Variants in PTER observed in about 807,000 individuals in gnomAD.
PTER encodes N-acetyltaurine hydrolase.
In PTER, 38 loss-of-function variants were observed where a neutral mutation model predicts 29.6. The ratio of observed to expected loss-of-function variants is 1.28; its 90% CI spans 0.99 to 1.68. PTER has a LOEUF of 1.68. Ranked by LOEUF, PTER falls within the 40% of genes most tolerant of loss-of-function variation. PTER has a pLI of 0.00. For missense variants in PTER, 482 were observed against 427.8 expected (o/e 1.13, Z -1.12); for synonymous variants, 172 against 154.5 (o/e 1.11, Z -0.84).
chr10:16,453,994 C>T (rs1370139163), intron 1 of PTER, among the ~76,000 whole-genome samples: 1 of 152,136 alleles, frequency 6.6e-6, no homozygotes, highest in Non-Finnish European at 1.5e-5. Flanking sequence ...GTGCTTCTGG[C>T]ATATCAGCTG....
At chr10:16,442,475 A>G (rs974661518) in intron 1 of PTER, among the ~76,000 whole-genome samples, 8 of 152,210 alleles carry the variant, frequency 5.3e-5, no homozygotes, top group African/African-American at 1.9e-4. Flanking sequence ...GAATTTGTTT[A>G]AAAGTGTTAG....
intron 3 of PTER, among the ~76,000 whole-genome samples, chr10:16,501,328 TACACACAC>T (rs35321143): frequency 2.8e-4 from 33 of 117,242 alleles, no homozygotes; most frequent in South Asian, 1.2e-3. Flanking sequence ...AATGAATAAC[TACACACAC>T]ACACACACAC....
chr10:16,503,088 T>C (rs1588630170), intron 3 of PTER, among the ~76,000 whole-genome samples: 2 of 94,066 alleles, frequency 2.1e-5, no homozygotes, highest in African/African-American at 7.4e-5. Context: ...TTTTTTTTTT[T>C]TTTTGTATTT....
At position 16,480,013 on chromosome 10, in the gene PTER, T is replaced by C. The variant is rs1486103204; in HGVS notation, c.-48-4324T>C. On this transcript the variant is annotated intron_variant, in intron 1 of 4. Coordinates refer to ENST00000535784, the MANE Select transcript of PTER (RefSeq NM_001261836.2). ...CATTTTACTCATAGTATTAGGTTGGTGCAAATGTAATCACGGTCATGGCAA... is the reference window on the plus strand; with the variant it reads ...CATTTTACTCATAGTATTAGGTTGGCGCAAATGTAATCACGGTCATGGCAA... Among the ~76,000 whole-genome samples the C allele has an allele frequency of 2.1e-5, 3 of 141,704 alleles. No individual in the cohort carries two copies. In the East Asian group the frequency reaches 7.4e-4, roughly 35 times the overall value. The allele number at this position is 141,704 out of a possible 152,430, so 93.0% of individuals were successfully genotyped here. A position where few individuals can be genotyped will look rare whatever the true frequency, so the allele number is the denominator to read the frequency against.
intron 2 of PTER, among the ~76,000 whole-genome samples, chr10:16,485,172 T>A (rs1021907166): frequency 1.3e-5 from 2 of 152,186 alleles, no homozygotes; most frequent in Non-Finnish European, 2.9e-5. Context: ...TTTTCCATCT[T>A]AAGTTATGCT....
chr10:16,444,946 A>G (rs914815999), intron 1 of PTER, among the ~76,000 whole-genome samples: 10 of 152,118 alleles, frequency 6.6e-5, no homozygotes, highest in Non-Finnish European at 1.5e-4. Flanking sequence ...TGGGGTTTTG[A>G]ATGGGCTGTA....
intron 1 of PTER, among the ~76,000 whole-genome samples, chr10:16,457,379 A>AT (rs1404414114): frequency 1.3e-5 from 2 of 151,624 alleles, no homozygotes; most frequent in Admixed American, 6.6e-5. Context: ...CGCCCAGCTA[A>AT]TTTTTTGTAT....
chr10:16,486,736 T>C, intron 3 of PTER, 119 bp downstream of exon 3: 1 of 1,125,384 alleles, frequency 8.9e-7, no homozygotes, highest in Non-Finnish European at 1.2e-6. Context: ...CCACTAACTA[T>C]ATGGAAGGTA....
chr10:16,494,124 G>A (rs1181369929), intron 3 of PTER, among the ~76,000 whole-genome samples: 4 of 152,038 alleles, frequency 2.6e-5, no homozygotes, highest in Non-Finnish European at 4.4e-5. Flanking sequence ...ACCGTGTATC[G>A]CCTTACATGA....
At chr10:16,506,146 A>T (rs1836554128) in intron 4 of PTER, among the ~76,000 whole-genome samples, 1 of 152,228 alleles carries the variant, frequency 6.6e-6, no homozygotes. Context: ...ACTGAAAAGC[A>T]TCCATTGGAT....
chr10:16,456,892 G>C lies in PTER; in HGVS notation c.-49+19845G>C, dbSNP rs539029197. 2.7e-5 allele frequency among the ~76,000 whole-genome samples: 4 copies of C among 150,406 alleles called. No homozygotes were observed. In the Admixed American group the frequency reaches 2.7e-4, roughly 10 times the overall value. The stretch of plus-strand genomic sequence containing the variant: ...GGGGGTTCCGCCATGCTGTTCTCGT[G>C]GTAGTGAATAAGTCTCACAAGATCT... On this transcript the variant is annotated intron_variant, in intron 1 of 4. Coordinates refer to ENST00000535784, the MANE Select transcript of PTER (RefSeq NM_001261836.2).
chr10:16,474,599 G>C (rs1835187333), intron 1 of PTER, among the ~76,000 whole-genome samples: 1 of 151,922 alleles, frequency 6.6e-6, no homozygotes, highest in Non-Finnish European at 1.5e-5. Flanking sequence ...CAAAAAAAAA[G>C]AAATTTGGTC....
At chr10:16,486,169 C>A (rs1346209007) in intron 2 of PTER, among the ~76,000 whole-genome samples, 183 bp from the exon 3 acceptor site, 1 of 152,098 alleles carries the variant, frequency 6.6e-6, no homozygotes, top group Non-Finnish European at 1.5e-5. Flanking sequence ...TTTAGTGCAA[C>A]TTGTTGATTT....
chr10:16,491,542 C>A (rs951271262), intron 3 of PTER, among the ~76,000 whole-genome samples: 6 of 152,062 alleles, frequency 3.9e-5, no homozygotes, highest in African/African-American at 1.4e-4. Flanking sequence ...TTTCATGCAA[C>A]GAAATGCACA....
At chr10:16,465,728 ATAC>A (rs894453647) in intron 1 of PTER, among the ~76,000 whole-genome samples, 7 of 152,144 alleles carry the variant, frequency 4.6e-5, no homozygotes, top group African/African-American at 1.7e-4. Context: ...TGCTATAAAG[ATAC>A]TACCCAAGTC....
At chr10:16,492,985 T>C (rs1300665213) in intron 3 of PTER, among the ~76,000 whole-genome samples, 1 of 152,204 alleles carries the variant, frequency 6.6e-6, no homozygotes, top group Non-Finnish European at 1.5e-5. Flanking sequence ...TTTTTCATGC[T>C]CTTAATTAGA....
At chr10:16,502,708 A>G (rs756185581) in intron 3 of PTER, among the ~76,000 whole-genome samples, 46 of 152,104 alleles carry the variant, frequency 3.0e-4, no homozygotes, top group Non-Finnish European at 5.9e-4. Context: ...AAAAGCTTTG[A>G]TCAGGTGCGG....
chr10:16,501,186 C>T (rs1185759386), intron 3 of PTER, among the ~76,000 whole-genome samples: 1 of 151,956 alleles, frequency 6.6e-6, no homozygotes, highest in African/African-American at 2.4e-5. Flanking sequence ...CTGCCTCAGC[C>T]TCCCAAAGTG....
intron 2 of PTER, 150 bp downstream of exon 2, chr10:16,484,966 C>T: frequency 1.3e-6 from 1 of 765,266 alleles, no homozygotes; most frequent in Non-Finnish European, 2.0e-6. Flanking sequence ...CAGTTAGTAA[C>T]ACTGTATTTC....
Sources: gnomAD v4.1 joint callset for allele counts (sites outside exome capture counted in the v4.1 genomes callset) on GRCh38, gnomAD v4.1.1 for gene constraint, MANE v1.5 for transcripts, NCBI Gene and HGNC (gene_info 2026-07-23, HGNC 2026-07-21) for gene names.